GDPD4: variants seen among roughly 807,000 people sequenced by gnomAD.
GDPD4 encodes the protein glycerophosphodiester phosphodiesterase 6.
GDPD4 carries 60 observed loss-of-function variants against 67.8 expected under a neutral mutation model. The ratio of observed to expected loss-of-function variants is 0.88; its 90% CI spans 0.72 to 1.10. GDPD4 has a LOEUF of 1.10. Among genes scored for constraint, GDPD4 ranks in the 50% least tolerant of loss-of-function variants. The pLI, the probability that GDPD4 is intolerant of heterozygous loss-of-function variation, is 0.00. For synonymous variants in GDPD4, 212 were observed against 210.9 expected, an observed-to-expected ratio of 1.00 and a Z score of -0.04; for missense variants, 623 against 613.9, an observed-to-expected ratio of 1.01 and a Z score of -0.16.
chr11:77,267,106 C>T (rs185794296), intron 10 of GDPD4, among the ~76,000 whole-genome samples: 33 of 152,164 alleles, frequency 2.2e-4, no homozygotes, highest in Non-Finnish European at 4.0e-4. Context: ...TTATTTTTAC[C>T]GTACTTTTCC....
chr11:77,299,547 T>C lies in GDPD4; in HGVS notation c.-254+2058A>G, dbSNP rs1938091031. Reference sequence around the variant, plus strand: ...ACATTTAACAGTAAGAGTTTATTGCTCACACATCTGAGCTAATGGGCTATC... The same window carrying C: ...ACATTTAACAGTAAGAGTTTATTGCCCACACATCTGAGCTAATGGGCTATC... On this transcript the variant is annotated intron_variant, in intron 1 of 16. Coordinates refer to ENST00000315938, the MANE Select transcript of GDPD4 (RefSeq NM_182833.3). Among the ~76,000 whole-genome samples the C allele has an allele frequency of 2.0e-5, 3 of 152,224 alleles. No homozygotes were observed. In the South Asian group the frequency reaches 6.2e-4, roughly 32 times the overall value.
chr11:77,221,557 A>C (rs1372637585), intron 16 of GDPD4, among the ~76,000 whole-genome samples: 1 of 152,200 alleles, frequency 6.6e-6, no homozygotes, highest in Non-Finnish European at 1.5e-5. Flanking sequence ...TGAGTTTCTT[A>C]ATCCTGAGAT....
intron 13 of GDPD4, among the ~76,000 whole-genome samples, chr11:77,235,009 G>GTTTTTTATTTTTTTTTTTTT (rs1958524952): frequency 1.9e-5 from 1 of 52,254 alleles, no homozygotes; most frequent in African/African-American, 6.3e-5. Flanking sequence ...GTCAATATCT[G>GTTTTTTATTTTTTTTTTTTT]TTTTTTTTTT....
At chr11:77,248,485 C>T (rs535675341) in intron 11 of GDPD4, among the ~76,000 whole-genome samples, 2 of 152,182 alleles carry the variant, frequency 1.3e-5, no homozygotes, top group Admixed American at 1.3e-4. Flanking sequence ...CAGGCGTGAG[C>T]CACCATGCCC....
chr11:77,278,582 G>T (rs532647023), intron 4 of GDPD4, among the ~76,000 whole-genome samples: 1 of 152,310 alleles, frequency 6.6e-6, no homozygotes, highest in South Asian at 2.1e-4. Flanking sequence ...TTTGTTGAAA[G>T]AAAAAGTTCA....
intron 15 of GDPD4, among the ~76,000 whole-genome samples, chr11:77,228,593 A>G (rs1459537529): frequency 6.7e-6 from 1 of 149,444 alleles, no homozygotes; most frequent in African/African-American, 2.5e-5. Flanking sequence ...CAGGAGAATC[A>G]CTTGAACCCA....
chr11:77,238,700 C>A (rs1274819803), intron 13 of GDPD4, among the ~76,000 whole-genome samples: 1 of 151,334 alleles, frequency 6.6e-6, no homozygotes, highest in Non-Finnish European at 1.5e-5. Context: ...AAAAGTAATA[C>A]AAAGTCTACC....
At position 77,216,683 on chromosome 11, in the gene GDPD4, T is replaced by G; in HGVS notation, c.*594A>C. 1 of 535,484 alleles carries G rather than the reference T, an allele frequency of 1.9e-6. No individual in the cohort carries two copies. The highest frequency in any genetic ancestry group is 3.2e-5 in the East Asian group (1 of 31,440). The allele number at this position is 535,484 out of a possible 1,614,324, so 33.2% of individuals were successfully genotyped here. ...AGACCACACACAGCAGTTTTCCCCT[T>G]GCCTAGCCCCTTGAGATGCATTCTT... On this transcript the variant is annotated 3_prime_UTR_variant, in exon 17 of 17. Coordinates refer to ENST00000315938, the MANE Select transcript of GDPD4 (RefSeq NM_182833.3).
rs150182309 is a variant in GDPD4 at position 77,257,408 on chromosome 11, T to A, written c.864+978A>T. ...CCCACTTAAAAACACTCAAGGATAA[T>A]TCTAAACTCTTTAACTTGTTATGTA... On this transcript the variant is annotated intron_variant, in intron 11 of 16. Transcript: ENST00000315938. Among the ~76,000 whole-genome samples the A allele has an allele frequency of 3.9e-5, 6 of 152,264 alleles. 1 individual carries two copies. The highest frequency in any genetic ancestry group is 3.9e-4 in the Admixed American group (6 of 15,292).
intron 13 of GDPD4, among the ~76,000 whole-genome samples, chr11:77,238,926 TC>T (rs1266887415): frequency 2.0e-5 from 3 of 151,978 alleles, no homozygotes; most frequent in Non-Finnish European, 4.4e-5. Context: ...ACCAATGAAA[TC>T]CTGAGACATA....
chr11:77,218,577 C>A (rs2135814388), intron 16 of GDPD4, among the ~76,000 whole-genome samples: 1 of 152,262 alleles, frequency 6.6e-6, no homozygotes, highest in South Asian at 2.1e-4. Context: ...GTGTGATGTT[C>A]CCTGCCCTGT....
intron 10 of GDPD4, among the ~76,000 whole-genome samples, chr11:77,267,944 C>A (rs1037539573): frequency 1.3e-5 from 2 of 152,136 alleles, no homozygotes; most frequent in East Asian, 3.9e-4. Context: ...CAGGAAGTGA[C>A]CTTTTCCTCC....
intron 7 of GDPD4, chr11:77,270,909 T>C (rs777675728): frequency 6.6e-5 from 33 of 496,474 alleles, no homozygotes; most frequent in Non-Finnish European, 1.0e-4. Context: ...AATCCCTCTT[T>C]AGAAGAAGGT....
chr11:77,238,310 G>T lies in GDPD4; in HGVS notation c.1242-5138C>A, dbSNP rs371331746. 3.3e-5 allele frequency among the ~76,000 whole-genome samples: 5 copies of T among 152,296 alleles called. No homozygotes were observed. In the East Asian group the frequency reaches 7.7e-4, roughly 24 times the overall value. The stretch of plus-strand genomic sequence containing the variant: ...TTTAAAATTTTATGTTAGGCTGGGC[G>T]TGGTGGCTCATGCCTGTAATCCCAG... On this transcript the variant is annotated intron_variant, in intron 13 of 16. Transcript: ENST00000315938.
intron 4 of GDPD4, among the ~76,000 whole-genome samples, chr11:77,278,138 G>T (rs1302076867): frequency 6.6e-6 from 1 of 152,058 alleles, no homozygotes; most frequent in Non-Finnish European, 1.5e-5. Context: ...CATTTGCTGA[G>T]GAGTGCTTTA....
intron 11 of GDPD4, among the ~76,000 whole-genome samples, chr11:77,256,813 G>A (rs1959011792): frequency 6.6e-6 from 1 of 152,284 alleles, no homozygotes; most frequent in South Asian, 2.1e-4. Flanking sequence ...TCTGCCATGA[G>A]TAAAAGCTTC....
chr11:77,259,251 A>T (rs975385744), intron 10 of GDPD4, among the ~76,000 whole-genome samples: 1 of 152,092 alleles, frequency 6.6e-6, no homozygotes, highest in Admixed American at 6.6e-5. Flanking sequence ...AAGTGCTGGG[A>T]TTATAGGCAT....
At chr11:77,270,768 A>G (rs1014961370) in intron 7 of GDPD4, among the ~76,000 whole-genome samples, 2 of 152,204 alleles carry the variant, frequency 1.3e-5, no homozygotes, top group Non-Finnish European at 2.9e-5. Flanking sequence ...ATATAAATGG[A>G]AAGAACTGTG....
intron 5 of GDPD4, among the ~76,000 whole-genome samples, chr11:77,273,542 G>A (rs1350791369): frequency 6.6e-6 from 1 of 152,218 alleles, no homozygotes; most frequent in African/African-American, 2.4e-5. Flanking sequence ...TAGAATATGT[G>A]TGGGAATGAA....
Sources: gnomAD v4.1 joint callset for allele counts (sites outside exome capture counted in the v4.1 genomes callset) on GRCh38, gnomAD v4.1.1 for gene constraint, MANE v1.5 for transcripts, NCBI Gene and HGNC (gene_info 2026-07-23, HGNC 2026-07-21) for gene names.